RBFOX1: variants seen among roughly 807,000 people sequenced by gnomAD.
The protein encoded by RBFOX1 is RNA binding protein fox-1 homolog 1.
In RBFOX1, 8 loss-of-function variants were observed where a neutral mutation model predicts 57.7. The observed-to-expected ratio is 0.14, with a 90% CI of 0.08 to 0.25. The LOEUF is 0.25. RBFOX1 is among the 10% of genes least tolerant of loss of function. The pLI, the probability that RBFOX1 is intolerant of heterozygous loss-of-function variation, is 1.00. For synonymous variants in RBFOX1, 326 were observed against 222.4 expected (o/e 1.47, Z -4.15); for missense variants, 611 against 548.5 (o/e 1.11, Z -1.14).
At chr16:7,643,514 T>G (rs1243588727) in intron 11 of RBFOX1, among the ~76,000 whole-genome samples, 1 of 152,224 alleles carries the variant, frequency 6.6e-6, no homozygotes, top group African/African-American at 2.4e-5. Context: ...GTCTTCCAAA[T>G]TAGAAATTTC....
rs759074904 is a variant in RBFOX1 at position 5,665,131 on chromosome 16, T to TGGC, written c.318+66172_318+66173insCGG. Among the ~76,000 whole-genome samples the TGGC allele has an allele frequency of 2.5e-4, 25 of 98,262 alleles. 2 individuals are homozygous for TGGC. Among genetic ancestry groups the TGGC allele is most frequent in the African/African-American group, 9.6e-4 (23 of 23,894 alleles). 64.5% of individuals were successfully genotyped at this position (98,262 alleles called of 152,430 possible). A position where few individuals can be genotyped will look rare whatever the true frequency, so the allele number is the denominator to read the frequency against. ...TGGCTAACTTTTTGATATTTTTACA[T>TGGC]GGGGGGGGGCGGTCTTGCTATATTG... On this transcript the variant is annotated intron_variant, in intron 3 of 19. Transcript: ENST00000641259.
chr16:6,203,535 T>A (rs1461449511), intron 1 of RBFOX1, among the ~76,000 whole-genome samples: 1 of 152,156 alleles, frequency 6.6e-6, no homozygotes, highest in Non-Finnish European at 1.5e-5. Flanking sequence ...TGAATAGCGG[T>A]GCAATGAACA....
chr16:6,521,530 C>T lies in RBFOX1; in HGVS notation c.-63-133073C>T, dbSNP rs551143572. On this transcript the variant is annotated intron_variant, in intron 2 of 15. Transcript: ENST00000550418. ...CCTCCCCTTCGCTTTTCCCTCCCTC[C>T]TTCCTCTCCTCTCCTCTCCTTCCCT... 2.7e-3 allele frequency among the ~76,000 whole-genome samples: 395 copies of T among 146,568 alleles called. 2 individuals are homozygous for T. The highest frequency in any genetic ancestry group is 4.5e-3 in the Non-Finnish European group (306 of 67,542).
At chr16:5,296,691 T>G (rs1045692017) in intron 1 of RBFOX1, among the ~76,000 whole-genome samples, 10 of 151,732 alleles carry the variant, frequency 6.6e-5, no homozygotes, top group Admixed American at 6.6e-4. Flanking sequence ...AACTTTTTTT[T>G]TTTTTGAGAT....
chr16:6,488,467 G>A (rs926394784), intron 2 of RBFOX1, among the ~76,000 whole-genome samples: 14 of 152,138 alleles, frequency 9.2e-5, no homozygotes, highest in African/African-American at 3.4e-4. Flanking sequence ...ATTGGACGAG[G>A]AGCTCCTGTG....
chr16:6,191,967 T>G (rs1219019170), intron 1 of RBFOX1, among the ~76,000 whole-genome samples: 1 of 152,150 alleles, frequency 6.6e-6, no homozygotes, highest in Non-Finnish European at 1.5e-5. Context: ...TAAATATGTC[T>G]TGGGACAAAG....
At chr16:7,189,756 G>A (rs979055140) in intron 4 of RBFOX1, among the ~76,000 whole-genome samples, 2 of 152,354 alleles carry the variant, frequency 1.3e-5, no homozygotes, top group African/African-American at 4.8e-5. Flanking sequence ...GACACCTGCA[G>A]GCAATCCCTT....
Position 7,458,349 on chromosome 16 carries a change from G to A in RBFOX1, c.28-59798G>A, listed in dbSNP as rs147883852. Among the ~76,000 whole-genome samples the A allele has an allele frequency of 4.3e-3, 661 of 152,274 alleles. 5 individuals carry two copies. Among genetic ancestry groups the A allele is most frequent in the African/African-American group, 0.015 (636 of 41,538 alleles). ...GTGTCCCTGGGCCAGTCCACTTTGT[G>A]CCCAGATGCTCACTTTCCCATGCTG... On this transcript the variant is annotated intron_variant, in intron 4 of 15. Coordinates refer to ENST00000550418, the MANE Select transcript of RBFOX1 (RefSeq NM_018723.4).
chr16:5,680,061 C>G (rs748213903), intron 3 of RBFOX1, among the ~76,000 whole-genome samples: 8 of 152,014 alleles, frequency 5.3e-5, no homozygotes, highest in African/African-American at 1.5e-4. Flanking sequence ...AGTTGGGGCT[C>G]GATTGATTTA....
intron 8 of RBFOX1, 97 bp from the exon 9 acceptor site, chr16:7,597,274 C>T (rs748712846): frequency 9.6e-6 from 8 of 833,266 alleles, no homozygotes; most frequent in Admixed American, 6.6e-5. Flanking sequence ...TTTTAGTTTT[C>T]TTTTTTAATA....
intron 3 of RBFOX1, among the ~76,000 whole-genome samples, chr16:6,706,453 A>G (rs567019319): frequency 9.2e-5 from 14 of 152,304 alleles, no homozygotes; most frequent in African/African-American, 3.4e-4. Flanking sequence ...CCAGCTTTGG[A>G]TGGGGGGCCC....
chr16:7,691,205 C>G (rs1038202428), intron 14 of RBFOX1, among the ~76,000 whole-genome samples: 1 of 129,148 alleles, frequency 7.7e-6, no homozygotes, highest in Non-Finnish European at 1.8e-5. Context: ...TTATTGAGAA[C>G]TCTGCCTTGA....
At chr16:6,790,207 C>T (rs2082682599) in intron 3 of RBFOX1, among the ~76,000 whole-genome samples, 1 of 51,080 alleles carries the variant, frequency 2.0e-5, no homozygotes, top group Admixed American at 2.0e-4. Flanking sequence ...TATTTTATGA[C>T]AGACTCTCGC....
intron 4 of RBFOX1, among the ~76,000 whole-genome samples, chr16:7,364,063 C>A (rs755013892): frequency 6.6e-6 from 1 of 152,126 alleles, no homozygotes; most frequent in Non-Finnish European, 1.5e-5. Flanking sequence ...TTTGGGACTC[C>A]CAAGTCCTAT....
intron 2 of RBFOX1, among the ~76,000 whole-genome samples, chr16:6,552,671 G>A (rs550519133): frequency 1.3e-5 from 2 of 152,036 alleles, no homozygotes; most frequent in Non-Finnish European, 2.9e-5. Context: ...AACAAAATTT[G>A]TATATTCCTT....
intron 2 of RBFOX1, among the ~76,000 whole-genome samples, chr16:5,566,193 A>C (rs549822541): frequency 6.6e-6 from 1 of 152,226 alleles, no homozygotes; most frequent in South Asian, 2.1e-4. Context: ...GGATGAATAC[A>C]ATGGGGATGT....
chr16:7,709,764 G>T, intron 15 of RBFOX1: 3 of 116,206 alleles, frequency 2.6e-5, no homozygotes, highest in Non-Finnish European at 4.3e-5. Context: ...GGTGGGGGGA[G>T]GGTAAAAAAT....
At chr16:6,248,986 A>T (rs1184005399) in intron 1 of RBFOX1, among the ~76,000 whole-genome samples, 1 of 152,200 alleles carries the variant, frequency 6.6e-6, no homozygotes, top group Non-Finnish European at 1.5e-5. Flanking sequence ...AGACAGCCAC[A>T]GTCTGCCTCC....
chr16:5,335,558 A>C (rs1284400883), intron 1 of RBFOX1, among the ~76,000 whole-genome samples: 1 of 152,106 alleles, frequency 6.6e-6, no homozygotes, highest in African/African-American at 2.4e-5. Flanking sequence ...CTGGGGGATT[A>C]GGGGACTTTG....
Sources: allele counts gnomAD v4.1 joint callset (sites outside exome capture counted in the v4.1 genomes callset), GRCh38; gene constraint gnomAD v4.1.1; transcripts MANE v1.5; gene names NCBI Gene and HGNC (gene_info 2026-07-23, HGNC 2026-07-21).